PLXNA1: variants seen among roughly 807,000 people sequenced by gnomAD.
PLXNA1 encodes plexin-A1.
In PLXNA1, 77 loss-of-function variants were observed where a neutral mutation model predicts 191.7. The ratio of observed to expected loss-of-function variants is 0.40; its 90% CI spans 0.33 to 0.49. PLXNA1 has a LOEUF of 0.49. Among genes scored for constraint, PLXNA1 ranks in the 20% least tolerant of loss-of-function variants. PLXNA1 has a pLI of 0.63. For synonymous variants in PLXNA1, 1,137 were observed against 1,156.4 expected (o/e 0.98, Z 0.34); for missense variants, 2,110 against 2,660.2 (o/e 0.79, Z 4.55).
At chr3:126,993,897 A>T (rs2079003036) in intron 3 of PLXNA1, among the ~76,000 whole-genome samples, 1 of 152,242 alleles carries the variant, frequency 6.6e-6, no homozygotes, top group South Asian at 2.1e-4. Context: ...TGTCCCGTGC[A>T]GGGTTTTTGA....
chr3:126,990,500 G>A (rs1456152897), intron 2 of PLXNA1, among the ~76,000 whole-genome samples: 2 of 152,212 alleles, frequency 1.3e-5, no homozygotes. Context: ...CAGAGGGCAC[G>A]GGCCTTGCTT....
chr3:127,022,737 T>C lies in PLXNA1; in HGVS notation c.4296-15T>C, dbSNP rs1480940182. The C allele has an allele frequency of 6.2e-7, 1 of 1,613,088 alleles. No homozygotes were observed. The stretch of plus-strand genomic sequence containing the variant: ...CTGGAATGACACCACTCTGCCCATA[T>C]TCTGTGCTCCCCAGGACTGAGTCGG... On this transcript the variant is annotated splice_polypyrimidine_tract_variant and intron_variant, in intron 22 of 31. Transcript: ENST00000393409.
At chr3:127,026,209 C>A (rs1448037364) in intron 23 of PLXNA1, among the ~76,000 whole-genome samples, 2 of 152,332 alleles carry the variant, frequency 1.3e-5, no homozygotes, top group East Asian at 3.9e-4. Flanking sequence ...CTTGGAACCT[C>A]CTTTGCAGCC....
At chr3:127,025,070 ATCT>A (rs1178607414) in intron 23 of PLXNA1, among the ~76,000 whole-genome samples, 8 of 152,120 alleles carry the variant, frequency 5.3e-5, no homozygotes, top group South Asian at 2.1e-4. Context: ...GCCAGGAGAC[ATCT>A]TCACCACCCA....
intron 31 of PLXNA1, among the ~76,000 whole-genome samples, chr3:127,033,391 T>C (rs2079222609): frequency 6.6e-6 from 1 of 151,632 alleles, no homozygotes; most frequent in South Asian, 2.1e-4. Context: ...GCCACGGGAG[T>C]GAACCAGAGC....
intron 1 of PLXNA1, among the ~76,000 whole-genome samples, chr3:126,986,441 G>A (rs1475231102): frequency 6.6e-6 from 1 of 152,232 alleles, no homozygotes. Flanking sequence ...TTCCCCACCT[G>A]AGCAGTGGGT....
intron 20 of PLXNA1, among the ~76,000 whole-genome samples, chr3:127,019,312 G>A (rs533720267): frequency 1.3e-5 from 2 of 152,310 alleles, no homozygotes; most frequent in East Asian, 3.9e-4. Flanking sequence ...TCTGCATCCT[G>A]GGAGCCCTCT....
In PLXNA1 at chr3:127,016,548, C is replaced by A; in HGVS notation, c.3046C>A (p.Pro1016Thr). Residue 1016 changes from proline to threonine, a missense_variant, in exon 16 of 32, where the codon CCC (proline) becomes ACC (threonine). By Grantham distance (38) the Pro-to-Thr change is conservative. Around this residue, in one of 4 missense-constraint regions of PLXNA1, gnomAD observed 644 missense variants for 714.3 expected, o/e 0.90. Transcript: ENST00000393409. ...RNSREIRCLTPPGQSPGSAPI... is the reference protein window; with the variant it reads ...RNSREIRCLTTPGQSPGSAPI... The stretch of plus-strand genomic sequence containing the variant: ...CTCCCGTGAGATCCGGTGCCTGACA[C>A]CCCCCGGGCAGAGCCCTGGCAGCGC... 1 of 1,613,682 alleles carries A rather than the reference C, an allele frequency of 6.2e-7. No homozygotes were observed. Among genetic ancestry groups the A allele is most frequent in the Non-Finnish European group, 8.5e-7 (1 of 1,179,858 alleles).
At chr3:127,025,470 T>C (rs2079172841) in intron 23 of PLXNA1, among the ~76,000 whole-genome samples, 1 of 152,258 alleles carries the variant, frequency 6.6e-6, no homozygotes, top group Non-Finnish European at 1.5e-5. Context: ...ACATAAAATT[T>C]ACCATCTTAA....
chr3:127,014,400 C>T, intron 12 of PLXNA1, 25 bp downstream of exon 12: 4 of 1,572,434 alleles, frequency 2.5e-6, no homozygotes, highest in East Asian at 2.3e-5. Context: ...CCTGCCCCCA[C>T]ACCCCATGCC....
At chr3:127,022,704 C>A (rs1185871357) in intron 22 of PLXNA1, 48 bp from the exon 23 acceptor site, 4 of 1,558,920 alleles carry the variant, frequency 2.6e-6, no homozygotes. Flanking sequence ...CCTGTGCCTG[C>A]TGGACAGCTG....
intron 23 of PLXNA1, chr3:127,027,549 G>T (rs779409600): frequency 4.9e-6 from 2 of 405,636 alleles, no homozygotes; most frequent in Non-Finnish European, 9.8e-6. Flanking sequence ...AGCACCTCCA[G>T]CTGGGGAGCA....
chr3:127,017,948 C>G (rs1576684990), intron 19 of PLXNA1, 56 bp downstream of exon 19: 1 of 1,596,572 alleles, frequency 6.3e-7, no homozygotes, highest in East Asian at 2.2e-5. Context: ...ACCTGTGGAC[C>G]CTGCCCCACT....
chr3:127,008,561 C>T (rs940349084), intron 9 of PLXNA1, among the ~76,000 whole-genome samples: 2 of 152,180 alleles, frequency 1.3e-5, no homozygotes, highest in African/African-American at 4.8e-5. Context: ...AAAGCTGAGG[C>T]CGGAGCTGTG....
chr3:126,999,296 G>T lies in PLXNA1; in HGVS notation c.1378-4034G>T, dbSNP rs77652463. On this transcript the variant is annotated intron_variant, in intron 3 of 31. Coordinates refer to ENST00000393409, the MANE Select transcript of PLXNA1 (RefSeq NM_032242.4). ...GCTGAGAAGTGTGTGAGGCCTCCAC[G>T]TGTGGGCACCTCCTTAGCTGCTGCC... is the stretch of plus-strand genomic sequence containing the variant. Among the ~76,000 whole-genome samples, 34 of 152,310 alleles carry T rather than the reference G, an allele frequency of 2.2e-4. No individual in the cohort carries two copies. In the South Asian group the frequency reaches 6.6e-3, roughly 30 times the overall value.
chr3:127,019,648 A>G (rs2079143012), intron 20 of PLXNA1, among the ~76,000 whole-genome samples: 1 of 152,218 alleles, frequency 6.6e-6, no homozygotes, highest in Non-Finnish European at 1.5e-5. Context: ...GCTTCTGATC[A>G]GATAGCCTGA....
At chr3:127,019,654 C>T (rs9874466) in intron 20 of PLXNA1, among the ~76,000 whole-genome samples, 5,212 of 152,326 alleles carry the variant, frequency 0.034, 306 homozygotes, top group African/African-American at 0.12. Flanking sequence ...GATCAGATAG[C>T]CTGATCCTCG....
intron 17 of PLXNA1, 65 bp from the exon 18 acceptor site, chr3:127,017,360 T>C: frequency 1.9e-6 from 3 of 1,562,278 alleles, no homozygotes; most frequent in Non-Finnish European, 2.6e-6. Flanking sequence ...CCAGGGGCTC[T>C]GTCACTGGGA....
In PLXNA1 at chr3:126,988,626, CCTGCTGCTG is replaced by C; in HGVS notation, c.40_48del (p.Leu19_Leu21del). On this transcript the variant is annotated inframe_deletion, in exon 2 of 32. Transcript: ENST00000393409. ...TGCCACCGCGGAGCCTGCAGGTGCT[CCTGCTGCTG>C]CTGCTGTTGCTGCTGCTGCTGCCGG... 2 of 1,569,534 alleles carry C rather than the reference CCTGCTGCTG, an allele frequency of 1.3e-6. No individual in the cohort carries two copies. Among genetic ancestry groups the C allele is most frequent in the Non-Finnish European group, 1.7e-6 (2 of 1,158,460 alleles).
Sources: gnomAD v4.1 joint callset for allele counts (sites outside exome capture counted in the v4.1 genomes callset) on GRCh38, gnomAD v4.1.1 for gene constraint, gnomAD v4.1.1 regional missense constraint, MANE v1.5 for transcripts, NCBI Gene and HGNC (gene_info 2026-07-23, HGNC 2026-07-21) for gene names.